CD300A: variants seen among roughly 807,000 people sequenced by gnomAD.
CD300A encodes the protein CMRF35-like molecule 8.
Under a neutral mutation model 33.6 loss-of-function variants are expected in CD300A, and 22 were observed. The ratio of observed to expected loss-of-function variants is 0.66; its 90% CI spans 0.47 to 0.94. The LOEUF (loss-of-function observed/expected upper bound fraction) is 0.94. Among genes scored for constraint, CD300A ranks in the 40% least tolerant of loss-of-function variants. CD300A has a pLI of 0.00. For synonymous variants in CD300A, 136 were observed against 148.1 expected (o/e 0.92, Z 0.59); for missense variants, 326 against 360.5 (o/e 0.90, Z 0.77).
At position 74,477,509 on chromosome 17, in the gene CD300A, A is replaced by G. The variant is rs549548126; in HGVS notation, c.607A>G (p.Met203Val). 7 of 1,612,944 alleles carry G rather than the reference A, an allele frequency of 4.3e-6. No homozygotes were observed. The South Asian group carries it at 6.6e-5, about 15-fold the overall frequency. The change falls in exon 4 of 7, where the codon ATG (methionine) becomes GTG (valine). Residue 203 changes from methionine to valine, a missense_variant. Physicochemically the swap from Met to Val is conservative, Grantham distance 21. Transcript: ENST00000360141. ...LVGASLLAWR[M>V]FQKWIKAGDH... ...GGGGGCCTCCCTGCTAGCCTGGAGG[A>G]TGTTTCAGAAATGGATCAAAGGTGA...
chr17:74,469,904 T>C, intron 1 of CD300A: 1 of 953,290 alleles, frequency 1.0e-6, no homozygotes, highest in Non-Finnish European at 1.2e-6. Context: ...AACTCCACTG[T>C]TTTTCTGTTT....
chr17:74,478,903 T>A (rs538185066), intron 4 of CD300A, among the ~76,000 whole-genome samples: 1 of 152,318 alleles, frequency 6.6e-6, no homozygotes, highest in South Asian at 2.1e-4. Flanking sequence ...CCATCTGCTT[T>A]GTGTGTGTCA....
In CD300A at chr17:74,477,487, G is replaced by A. The variant is rs777509708; in HGVS notation, c.585G>A (p.Gly195=). The A allele has an allele frequency of 1.9e-6, 3 of 1,613,518 alleles. No homozygotes were observed. The South Asian group carries it at 3.3e-5, about 18-fold the overall frequency. ...CATTGTTGCTGCTTCTGTTGGTGGG[G>A]GCCTCCCTGCTAGCCTGGAGGATGT... ...LLALLLLLLV[G]ASLLAWRMFQ... Residue 195 remains glycine (G), a synonymous_variant, in exon 4 of 7, where the codon GGG becomes GGA. Transcript: ENST00000360141.
intron 1 of CD300A, 48 bp downstream of exon 1, chr17:74,466,791 C>T (rs766744392): frequency 1.9e-6 from 3 of 1,562,044 alleles, no homozygotes; most frequent in South Asian, 2.3e-5. Context: ...AGGGAGGGTG[C>T]GAGGGGCAGG....
intron 3 of CD300A, among the ~76,000 whole-genome samples, chr17:74,475,502 TCTC>T (rs1206468853): frequency 1.3e-5 from 2 of 152,256 alleles, no homozygotes; most frequent in East Asian, 3.9e-4. Flanking sequence ...AGCCTTGAGT[TCTC>T]CTCTCTAAAT....
At chr17:74,475,144 G>A (rs1158123247) in intron 3 of CD300A, among the ~76,000 whole-genome samples, 1 of 152,162 alleles carries the variant, frequency 6.6e-6, no homozygotes, top group Non-Finnish European at 1.5e-5. Context: ...AAGGCAAAAG[G>A]CATGTCTTAC....
chr17:74,473,489 C>G, intron 1 of CD300A, 47 bp from the exon 2 acceptor site: 1 of 1,566,524 alleles, frequency 6.4e-7, no homozygotes, highest in South Asian at 1.2e-5. Context: ...GCACCCCTGA[C>G]CAGGCTCATC....
chr17:74,475,412 G>T (rs563849434), intron 3 of CD300A, among the ~76,000 whole-genome samples: 1 of 152,268 alleles, frequency 6.6e-6, no homozygotes, highest in East Asian at 1.9e-4. Flanking sequence ...CTGAGACTCA[G>T]CGAGGTGAAG....
In CD300A at chr17:74,480,677, G is replaced by A. The variant is rs555269447; in HGVS notation, c.629-612G>A. 3.0e-4 allele frequency among the ~76,000 whole-genome samples: 46 copies of A among 152,322 alleles called. No homozygotes were observed. The highest frequency in any genetic ancestry group is 1.0e-3 in the African/African-American group (43 of 41,584). ...CATCCTTCCTCCCCTGGAAACATTT[G>A]TGTGAGATCCCGTGTTGAGAGCTTG... On this transcript the variant is annotated intron_variant, in intron 4 of 6. Transcript: ENST00000360141. The surrounding 1 kb of genome is among the most constrained non-coding windows in gnomAD (Gnocchi z 4.2).
At chr17:74,473,915 T>C (rs1440938902) in intron 2 of CD300A, 41 bp downstream of exon 2, 11 of 1,583,886 alleles carry the variant, frequency 6.9e-6, no homozygotes, top group Non-Finnish European at 9.5e-6. Flanking sequence ...AGGCTCAGGT[T>C]GGAATTGTTG....
chr17:74,474,731 A>G (rs745429151), intron 3 of CD300A, 46 bp downstream of exon 3: 3 of 1,601,518 alleles, frequency 1.9e-6, no homozygotes, highest in Admixed American at 3.4e-5. Flanking sequence ...CTGTGCTAAG[A>G]GGAGGAGCCC....
At chr17:74,483,092 G>A (rs185301902) in intron 6 of CD300A, among the ~76,000 whole-genome samples, 1 of 152,136 alleles carries the variant, frequency 6.6e-6, no homozygotes, top group South Asian at 2.1e-4. Context: ...CCACGAAGCT[G>A]CATGGCCTGG....
chr17:74,472,387 C>T (rs1906163468), intron 1 of CD300A, among the ~76,000 whole-genome samples: 1 of 152,214 alleles, frequency 6.6e-6, no homozygotes, highest in Admixed American at 6.5e-5. Context: ...CTGTGCCCAT[C>T]TGCCTGGGGC....
chr17:74,470,127 T>TG (rs1905997479), intron 1 of CD300A: 1 of 985,316 alleles, frequency 1.0e-6, no homozygotes. Flanking sequence ...GGCCCCAAGG[T>TG]GGTCCCCAGT....
chr17:74,473,074 C>T (rs1198242474), intron 1 of CD300A, among the ~76,000 whole-genome samples: 1 of 151,588 alleles, frequency 6.6e-6, no homozygotes, highest in Non-Finnish European at 1.5e-5. Flanking sequence ...ATGCTCCTGG[C>T]AGGTTTGGAA....
intron 1 of CD300A, among the ~76,000 whole-genome samples, chr17:74,468,183 T>TACC (rs1215194938): frequency 6.6e-6 from 1 of 151,734 alleles, no homozygotes; most frequent in African/African-American, 2.4e-5. Context: ...TACAGGCATG[T>TACC]ACCACCATGC....
Position 74,480,152 on chromosome 17 carries a change from C to T in CD300A, c.629-1137C>T, listed in dbSNP as rs1195276479. ...CTGCGCACAGCACTTGGAAGCAGGG[C>T]ACTTCGCACCCCAGAGTACCCGGCT... On this transcript the variant is annotated intron_variant, in intron 4 of 6. Coordinates refer to ENST00000360141, the MANE Select transcript of CD300A (RefSeq NM_007261.4). This position sits in a 1 kb window ranked among gnomAD's most constrained non-coding sequence, Gnocchi z 4.2. 1.3e-5 allele frequency among the ~76,000 whole-genome samples: 2 copies of T among 152,184 alleles called. No homozygotes were observed. Among genetic ancestry groups the T allele is most frequent in the Admixed American group, 6.5e-5 (1 of 15,290 alleles).
intron 1 of CD300A, 130 bp from the exon 2 acceptor site, chr17:74,473,406 T>C: frequency 1.2e-6 from 1 of 813,440 alleles, no homozygotes; most frequent in Non-Finnish European, 2.0e-6. Context: ...TCCCCGCTCC[T>C]GGGTGGACAA....
At chr17:74,466,479 A>G, upstream of CD300A, 2 of 596,130 alleles carry the variant, frequency 3.4e-6, no homozygotes, top group East Asian at 5.6e-5. Flanking sequence ...TGCAGCCTCA[A>G]CCAGCGTTAA....
Sources: allele counts gnomAD v4.1 joint callset (sites outside exome capture counted in the v4.1 genomes callset), GRCh38; gene constraint gnomAD v4.1.1; non-coding constraint Gnocchi (gnomAD v3.1); transcripts MANE v1.5; gene names NCBI Gene and HGNC (gene_info 2026-07-23, HGNC 2026-07-21).